PIK3AP1: variants seen among roughly 807,000 people sequenced by gnomAD.
PIK3AP1 encodes phosphoinositide 3-kinase adapter protein 1.
A neutral mutation model predicts 88.1 loss-of-function variants in PIK3AP1; 21 were observed. That is an observed-to-expected ratio of 0.24 (90% CI 0.17 to 0.34). The LOEUF (loss-of-function observed/expected upper bound fraction) is 0.34. PIK3AP1 is among the 10% of genes least tolerant of loss of function. The pLI is 1.00. For synonymous variants in PIK3AP1, 398 were observed against 400.0 expected, an observed-to-expected ratio of 1.00 and a Z score of 0.06; for missense variants, 828 against 1,035.7, an observed-to-expected ratio of 0.80 and a Z score of 2.75.
intron 3 of PIK3AP1, among the ~76,000 whole-genome samples, chr10:96,654,953 T>C (rs1045417465): frequency 2.0e-5 from 3 of 152,224 alleles, no homozygotes; most frequent in African/African-American, 7.2e-5. Flanking sequence ...GCATGGCCCA[T>C]GTACAGGGTT....
chr10:96,715,039 A>T (rs1310333781), intron 1 of PIK3AP1, among the ~76,000 whole-genome samples: 1 of 151,496 alleles, frequency 6.6e-6, no homozygotes, highest in Non-Finnish European at 1.5e-5. Flanking sequence ...GGAGAAAAAA[A>T]AAAGAGTAAA....
intron 2 of PIK3AP1, among the ~76,000 whole-genome samples, chr10:96,700,218 C>T (rs1257127868): frequency 6.6e-5 from 10 of 152,168 alleles, no homozygotes; most frequent in African/African-American, 2.4e-4. Flanking sequence ...AGGAGAAGGC[C>T]CTCTCTGGGT....
intron 2 of PIK3AP1, among the ~76,000 whole-genome samples, chr10:96,705,143 G>T (rs937407363): frequency 1.3e-5 from 2 of 152,150 alleles, no homozygotes; most frequent in Non-Finnish European, 2.9e-5. Flanking sequence ...ATAAAGTGAG[G>T]TATTTTTCAT....
At chr10:96,651,194 C>A in intron 6 of PIK3AP1, 54 bp downstream of exon 6, 1 of 1,608,108 alleles carries the variant, frequency 6.2e-7, no homozygotes, top group Middle Eastern at 1.7e-4. Flanking sequence ...ATGCTGAAAC[C>A]AGCAGGCTAG....
At position 96,633,122 on chromosome 10, in the gene PIK3AP1, G is replaced by C. The variant is rs1245179480; in HGVS notation, c.1376-4629C>G. On this transcript the variant is annotated intron_variant, in intron 8 of 16. Coordinates refer to ENST00000339364, the MANE Select transcript of PIK3AP1 (RefSeq NM_152309.3). Reference sequence around the variant, plus strand: ...GGCGGAGCTTCCAGGGTCACCATGAGAGGTATGCCAGAGTCAATGCCCTCA... The same window carrying C: ...GGCGGAGCTTCCAGGGTCACCATGACAGGTATGCCAGAGTCAATGCCCTCA... 2.7e-6 allele frequency: 4 copies of C among 1,495,018 alleles called. No individual in the cohort carries two copies. In the Admixed American group the frequency reaches 8.9e-5, roughly 33 times the overall value. The allele number at this position is 1,495,018 out of a possible 1,614,324, so 92.6% of individuals were successfully genotyped here. A position where few individuals can be genotyped will look rare whatever the true frequency, so the allele number is the denominator to read the frequency against.
chr10:96,609,773 A>T lies in PIK3AP1; in HGVS notation c.2109T>A (p.Ile703=). The T allele has an allele frequency of 1.2e-6, 2 of 1,614,014 alleles. No individual in the cohort carries two copies. Among genetic ancestry groups the T allele is most frequent in the Non-Finnish European group, 1.7e-6 (2 of 1,179,992 alleles). Residue 703 remains isoleucine, a synonymous_variant, in exon 14 of 17, where the codon ATT becomes ATA. Transcript: ENST00000339364. Reference sequence around the variant, plus strand: ...CTCGTCTCAGCTCCGTCCTAGGGGGAATGACACTTTTCCTGGGGCCACTCT... The same window carrying T: ...CTCGTCTCAGCTCCGTCCTAGGGGGTATGACACTTTTCCTGGGGCCACTCT... ...VYESGPRKSV[I]PPRTELRRGD...
intron 2 of PIK3AP1, among the ~76,000 whole-genome samples, chr10:96,684,053 C>G (rs1487551645): frequency 6.6e-6 from 1 of 152,192 alleles, no homozygotes; most frequent in Admixed American, 6.5e-5. Flanking sequence ...AACGCCCTGA[C>G]TTAGTTCCAG....
intron 8 of PIK3AP1, among the ~76,000 whole-genome samples, chr10:96,630,598 G>C (rs1183254611): frequency 6.6e-6 from 1 of 152,034 alleles, no homozygotes; most frequent in Non-Finnish European, 1.5e-5. Context: ...ACTTTGGAAG[G>C]CTGAGGCAGG....
At chr10:96,698,844 G>A (rs1040282086) in intron 2 of PIK3AP1, among the ~76,000 whole-genome samples, 7 of 152,292 alleles carry the variant, frequency 4.6e-5, no homozygotes, top group East Asian at 3.9e-4. Context: ...AAATGAATGA[G>A]TGAAGAAACT....
chr10:96,600,522 T>C (rs1443066398), intron 16 of PIK3AP1, among the ~76,000 whole-genome samples: 2 of 152,206 alleles, frequency 1.3e-5, no homozygotes, highest in African/African-American at 2.4e-5. Flanking sequence ...CAGGAAAGCA[T>C]GCCCGGTGGG....
chr10:96,612,713 A>G (rs1849134486), intron 13 of PIK3AP1, among the ~76,000 whole-genome samples: 1 of 151,854 alleles, frequency 6.6e-6, no homozygotes, highest in Admixed American at 6.6e-5. Flanking sequence ...GGCCTCCATC[A>G]AAGGCTGATG....
At chr10:96,648,583 G>A (rs913919027) in intron 7 of PIK3AP1, 76 bp downstream of exon 7, 113 of 1,434,964 alleles carry the variant, frequency 7.9e-5, no homozygotes, top group Middle Eastern at 7.3e-4. Flanking sequence ...AAATCTGTTC[G>A]TATTTTGGGT....
At position 96,648,682 on chromosome 10, in the gene PIK3AP1, G is replaced by A. The variant is rs1291249415; in HGVS notation, c.1162C>T (p.Arg388Trp). The A allele has an allele frequency of 1.2e-6, 2 of 1,608,598 alleles. No individual in the cohort carries two copies. Among genetic ancestry groups the A allele is most frequent in the Non-Finnish European group, 8.5e-7 (1 of 1,177,772 alleles). Residue 388 changes from arginine to tryptophan, a missense_variant, in exon 7 of 17, where the codon CGG becomes TGG. Coordinates refer to ENST00000339364, the MANE Select transcript of PIK3AP1 (RefSeq NM_152309.3). ...IAEKHGFRDL[R>W]QFIDEYVETV... ...ACCACATACTCGTCGATGAACTGCC[G>A]CAGGTCCCTGAAGCCGTGTTTCTCA...
In PIK3AP1 at chr10:96,620,139, G is replaced by T. The variant is rs184160876; in HGVS notation, c.1941+213C>A. Among the ~76,000 whole-genome samples, 32 of 152,248 alleles carry T rather than the reference G, an allele frequency of 2.1e-4. 1 individual carries two copies. In the East Asian group the frequency reaches 6.0e-3, roughly 29 times the overall value. ...CTGATCTCAAGCCTCATGGTACCTGGAAAAGCTACCCAGCTCTCAGCCAGG... is the reference window on the plus strand; with the variant it reads ...CTGATCTCAAGCCTCATGGTACCTGTAAAAGCTACCCAGCTCTCAGCCAGG... On this transcript the variant is annotated intron_variant, in intron 12 of 16. Transcript: ENST00000339364.
chr10:96,681,608 A>G (rs1397286032), intron 2 of PIK3AP1, among the ~76,000 whole-genome samples: 1 of 152,194 alleles, frequency 6.6e-6, no homozygotes, highest in East Asian at 1.9e-4. Context: ...AGGGGGCTCT[A>G]GTAGGATGTT....
rs781520768 is a variant in PIK3AP1, at chr10:96,645,517, T to C, written c.1331A>G (p.Tyr444Cys). 1.9e-6 allele frequency: 3 copies of C among 1,614,104 alleles called. No individual in the cohort carries two copies. The highest frequency in any genetic ancestry group is 2.5e-6 in the Non-Finnish European group (3 of 1,180,006). Residue 444 changes from tyrosine to cysteine, a missense_variant, in exon 8 of 17, where the codon TAT becomes TGT. Around this residue, in one of 3 missense-constraint regions of PIK3AP1, gnomAD observed 610 missense variants for 760.1 expected, o/e 0.80. Coordinates refer to ENST00000339364, the MANE Select transcript of PIK3AP1 (RefSeq NM_152309.3). Reference sequence around the variant, plus strand: ...TGGGACAAAGGCAGCCATGGACTCATAGAGATCCTCGTCACAGCCGGGGTT... The same window carrying C: ...TGGGACAAAGGCAGCCATGGACTCACAGAGATCCTCGTCACAGCCGGGGTT... ...SLNPGCDEDL[Y>C]ESMAAFVPAA...
At chr10:96,652,594 C>A in intron 4 of PIK3AP1, 104 bp downstream of exon 4, 1 of 1,417,190 alleles carries the variant, frequency 7.1e-7, no homozygotes, top group South Asian at 1.2e-5. Context: ...ATCAAAGTAG[C>A]AAACATATTT....
chr10:96,650,990 A>G lies in PIK3AP1; in HGVS notation c.988+258T>C, dbSNP rs117726759. 4.6e-5 allele frequency among the ~76,000 whole-genome samples: 7 copies of G among 152,378 alleles called. 1 individual carries two copies. In the East Asian group the frequency reaches 1.2e-3, roughly 25 times the overall value. On this transcript the variant is annotated intron_variant, in intron 6 of 16. Transcript: ENST00000339364. The stretch of plus-strand genomic sequence containing the variant: ...TAACAAGCTCCATTGGCTTACGCCA[A>G]ACCAATTTAAAATCACTCATTTCCT...
At chr10:96,715,550 A>T (rs751918694) in intron 1 of PIK3AP1, among the ~76,000 whole-genome samples, 2 of 152,232 alleles carry the variant, frequency 1.3e-5, no homozygotes, top group Non-Finnish European at 2.9e-5. Flanking sequence ...CTATCTTTGT[A>T]GTATTTCTGG....
Sources: gnomAD v4.1 joint callset for allele counts (sites outside exome capture counted in the v4.1 genomes callset) on GRCh38, gnomAD v4.1.1 for gene constraint, gnomAD v4.1.1 regional missense constraint, MANE v1.5 for transcripts, NCBI Gene and HGNC (gene_info 2026-07-23, HGNC 2026-07-21) for gene names.